RAD23B: variants seen among roughly 807,000 people sequenced by gnomAD.
RAD23B encodes the protein RAD23 nucleotide excision repair protein B.
A neutral mutation model predicts 49.1 loss-of-function variants in RAD23B; 5 were observed. The observed-to-expected ratio is 0.10, with a 90% CI of 0.05 to 0.21. RAD23B has a LOEUF of 0.21. RAD23B is among the 10% of genes least tolerant of loss of function. The probability of loss-of-function intolerance (pLI) is 1.00; values close to 1 mark genes in which losing one functional copy is unlikely to be tolerated. For synonymous variants in RAD23B, 184 were observed against 165.4 expected (o/e 1.11, Z -0.86); for missense variants, 356 against 486.7 (o/e 0.73, Z 2.53).
intron 4 of RAD23B, among the ~76,000 whole-genome samples, chr9:107,307,029 A>C (rs897130676): frequency 2.6e-5 from 4 of 152,168 alleles, no homozygotes; most frequent in Non-Finnish European, 5.9e-5. Flanking sequence ...CTTTGTGGTC[A>C]TTGTCATATA....
intron 7 of RAD23B, among the ~76,000 whole-genome samples, chr9:107,322,705 A>G (rs1827134954): frequency 6.6e-6 from 1 of 152,222 alleles, no homozygotes; most frequent in Non-Finnish European, 1.5e-5. Flanking sequence ...TCTTCTGTAT[A>G]TTAATAAAGT....
At chr9:107,287,255 A>G (rs1372557723) in intron 1 of RAD23B, among the ~76,000 whole-genome samples, 4 of 152,144 alleles carry the variant, frequency 2.6e-5, no homozygotes, top group East Asian at 1.9e-4. Context: ...ACAGTGCAGT[A>G]TTTTATTGCA....
At chr9:107,323,857 GCTTT>G (rs1357880092) in intron 7 of RAD23B, 29 bp from the exon 8 acceptor site, 1 of 1,536,740 alleles carries the variant, frequency 6.5e-7, no homozygotes, top group African/African-American at 2.1e-5. Flanking sequence ...TGTATTTACT[GCTTT>G]TGTTTAGAAA....
Position 107,283,283 on chromosome 9 carries a change from C to A in RAD23B, c.-347C>A. On this transcript the variant is annotated 5_prime_UTR_variant, in exon 1 of 10. Coordinates refer to ENST00000358015, the MANE Select transcript of RAD23B (RefSeq NM_002874.5). ...GGGGAGGGGGCACGTCTCGGCGAGTCACGATGATGGCGGCCACCATCCTGT... is the reference window on the plus strand; with the variant it reads ...GGGGAGGGGGCACGTCTCGGCGAGTAACGATGATGGCGGCCACCATCCTGT... 2.5e-6 allele frequency: 1 copy of A among 402,878 alleles called. No individual in the cohort carries two copies. The highest frequency in any genetic ancestry group is 4.4e-6 in the Non-Finnish European group (1 of 229,192). 25.0% of individuals were successfully genotyped at this position (402,878 alleles called of 1,614,324 possible).
At chr9:107,307,045 T>C (rs1826795042) in intron 4 of RAD23B, among the ~76,000 whole-genome samples, 1 of 152,222 alleles carries the variant, frequency 6.6e-6, no homozygotes, top group South Asian at 2.1e-4. Flanking sequence ...ATATATATCA[T>C]AAGCATCCTT....
chr9:107,285,013 T>A (rs1833247677), intron 1 of RAD23B: 1 of 1,222,852 alleles, frequency 8.2e-7, no homozygotes, highest in Admixed American at 3.0e-5. Context: ...TCTCATTTAA[T>A]CTTAAGTTTT....
chr9:107,308,864 G>A (rs1031637478), intron 4 of RAD23B, among the ~76,000 whole-genome samples: 2 of 152,116 alleles, frequency 1.3e-5, no homozygotes, highest in African/African-American at 4.8e-5. Flanking sequence ...ATAATTATCA[G>A]GAGATAAGCT....
chr9:107,290,190 C>T (rs1031197357), intron 1 of RAD23B, among the ~76,000 whole-genome samples: 1 of 152,156 alleles, frequency 6.6e-6, no homozygotes, highest in Non-Finnish European at 1.5e-5. Context: ...AAGGTCCTAC[C>T]GTAGCTACCT....
intron 7 of RAD23B, among the ~76,000 whole-genome samples, chr9:107,323,260 A>G (rs935174940): frequency 5.9e-5 from 9 of 152,206 alleles, no homozygotes; most frequent in African/African-American, 2.2e-4. Context: ...ATATATTAGT[A>G]CTAGATTGCC....
At chr9:107,327,667 C>T (rs1407304326) in intron 9 of RAD23B, among the ~76,000 whole-genome samples, 1 of 152,128 alleles carries the variant, frequency 6.6e-6, no homozygotes, top group Admixed American at 6.5e-5. Flanking sequence ...GTTTTGTGGC[C>T]TAACATGGTA....
chr9:107,324,710 C>T, intron 8 of RAD23B, 124 bp from the exon 9 acceptor site: 3 of 980,048 alleles, frequency 3.1e-6, no homozygotes, highest in South Asian at 2.1e-5. Context: ...CTGAATAATC[C>T]AGAATCACTA....
At chr9:107,301,100 A>G (rs1160880098) in intron 2 of RAD23B, among the ~76,000 whole-genome samples, 1 of 152,224 alleles carries the variant, frequency 6.6e-6, no homozygotes, top group African/African-American at 2.4e-5. Context: ...AAATTCATGT[A>G]GCAAGAAACA....
At chr9:107,298,474 A>ATTTTTT (rs35923233) in intron 1 of RAD23B, among the ~76,000 whole-genome samples, 6 of 53,120 alleles carry the variant, frequency 1.1e-4, no homozygotes, top group African/African-American at 3.1e-4. Context: ...TGCTTGGCTA[A>ATTTTTT]TTTTTTTTTT....
chr9:107,303,858 G>C (rs547683448), intron 3 of RAD23B, among the ~76,000 whole-genome samples: 4 of 152,242 alleles, frequency 2.6e-5, no homozygotes, highest in African/African-American at 9.6e-5. Context: ...CAGTGATCCT[G>C]ACTGTTTAGA....
At chr9:107,314,826 G>T (rs535720294) in intron 5 of RAD23B, among the ~76,000 whole-genome samples, 2 of 152,190 alleles carry the variant, frequency 1.3e-5, no homozygotes, top group South Asian at 4.2e-4. Context: ...CCACATCCTT[G>T]CCCAACATCT....
At chr9:107,306,066 T>C (rs780955940) in intron 3 of RAD23B, among the ~76,000 whole-genome samples, 1 of 124,638 alleles carries the variant, frequency 8.0e-6, no homozygotes, top group African/African-American at 2.9e-5. Flanking sequence ...TATATATATA[T>C]ATATATCTAT....
chr9:107,324,909 G>C lies in RAD23B; in HGVS notation c.1021G>C (p.Gly341Arg). The change falls in exon 9 of 10, where the codon GGA becomes CGA. Residue 341 changes from glycine to arginine, a missense_variant. This residue lies in a region of RAD23B where 148 missense variants were observed against 231.7 expected (regional missense o/e 0.64). Coordinates refer to ENST00000358015, the MANE Select transcript of RAD23B (RefSeq NM_002874.5). ...TCAAGAAGCTGGTGGTCAAGGAGGA[G>C]GAGGTGGAGGTGGCAGTGGAGGAAT... Reference protein sequence around the residue: ...PVQEAGGQGGGGGGGSGGIAE... With the variant: ...PVQEAGGQGGRGGGGSGGIAE... 1 of 1,613,784 alleles carries C rather than the reference G, an allele frequency of 6.2e-7. No individual in the cohort carries two copies. Among genetic ancestry groups the C allele is most frequent in the Non-Finnish European group, 8.5e-7 (1 of 1,179,944 alleles).
chr9:107,310,082 A>G (rs1045220359), intron 4 of RAD23B, among the ~76,000 whole-genome samples: 1 of 152,202 alleles, frequency 6.6e-6, no homozygotes, highest in African/African-American at 2.4e-5. Context: ...GAAATCAACA[A>G]TAGCTTTGAA....
chr9:107,302,502 C>T (rs1826675178), intron 3 of RAD23B, among the ~76,000 whole-genome samples: 1 of 151,862 alleles, frequency 6.6e-6, no homozygotes, highest in Non-Finnish European at 1.5e-5. Context: ...ACGTACTAGT[C>T]CTAACAGATT....
Sources: allele counts gnomAD v4.1 joint callset (sites outside exome capture counted in the v4.1 genomes callset), GRCh38; gene constraint gnomAD v4.1.1; regional missense constraint gnomAD v4.1.1; transcripts MANE v1.5; gene names NCBI Gene and HGNC (gene_info 2026-07-23, HGNC 2026-07-21).